The following LAMA2 variants were observed in gnomAD, a reference collection of about 807,000 sequenced individuals.
LAMA2 encodes laminin subunit alpha 2, also known as laminin subunit alpha-2.
In LAMA2, 269 loss-of-function variants were observed where a neutral mutation model predicts 364.8. That is an observed-to-expected ratio of 0.74 (90% confidence interval 0.67 to 0.82). The LOEUF (loss-of-function observed/expected upper bound fraction) is 0.82, where lower values mean the gene tolerates loss of function less well. LAMA2 is among the 40% of genes least tolerant of loss of function. LAMA2 has a pLI of 0.00. For synonymous variants in LAMA2, 1,379 were observed against 1,370.6 expected, an observed-to-expected ratio of 1.01 and a Z score of -0.14; for missense variants, 3,807 against 3,873.2, an observed-to-expected ratio of 0.98 and a Z score of 0.45.
At chr6:129,176,906 AC>A (rs1780629733) in intron 9 of LAMA2, among the ~76,000 whole-genome samples, 1 of 152,094 alleles carries the variant, frequency 6.6e-6, no homozygotes. Context: ...CATTTCTGAC[AC>A]TAATTCTGTC....
At chr6:129,154,795 A>C (rs1229489207) in intron 8 of LAMA2, 112 bp downstream of exon 8, 3 of 851,384 alleles carry the variant, frequency 3.5e-6, no homozygotes, top group African/African-American at 3.4e-5. Context: ...TTGAACTTCA[A>C]ATTAAAAGGT....
intron 12 of LAMA2, among the ~76,000 whole-genome samples, chr6:129,248,073 T>C (rs1278695700): frequency 6.6e-6 from 1 of 152,192 alleles, no homozygotes; most frequent in African/African-American, 2.4e-5. Flanking sequence ...CATCACTGCC[T>C]GAGCTCTACC....
intron 1 of LAMA2, among the ~76,000 whole-genome samples, chr6:128,923,446 T>C (rs1158064630): frequency 6.8e-6 from 1 of 147,064 alleles, no homozygotes. Flanking sequence ...GTTGGATTCC[T>C]AGGTATTTTA....
intron 61 of LAMA2, among the ~76,000 whole-genome samples, chr6:129,505,595 C>A (rs1475640238): frequency 6.6e-6 from 1 of 151,896 alleles, no homozygotes; most frequent in African/African-American, 2.4e-5. Flanking sequence ...TGCAAGCTCT[C>A]CCTCCCGGGT....
chr6:129,190,632 G>A (rs761723375), intron 11 of LAMA2, among the ~76,000 whole-genome samples: 34 of 152,198 alleles, frequency 2.2e-4, no homozygotes, highest in Middle Eastern at 6.8e-3. Flanking sequence ...TCAACTCCAA[G>A]GGTGCATGAT....
chr6:128,929,934 A>T (rs1229303271), intron 1 of LAMA2: 5 of 780,048 alleles, frequency 6.4e-6, no homozygotes, highest in Non-Finnish European at 1.1e-5. Context: ...AGCGCGGCCC[A>T]CAGCCCCACC....
At chr6:129,329,967 A>G (rs532482220) in intron 29 of LAMA2, among the ~76,000 whole-genome samples, 3 of 152,156 alleles carry the variant, frequency 2.0e-5, no homozygotes, top group South Asian at 2.1e-4. Context: ...TTAGATTCTC[A>G]TAGGAGCACA....
intron 12 of LAMA2, among the ~76,000 whole-genome samples, chr6:129,231,123 A>G (rs1372627923): frequency 6.6e-6 from 1 of 152,016 alleles, no homozygotes; most frequent in African/African-American, 2.4e-5. Flanking sequence ...TTAGAATGGA[A>G]TTTTTTTCTA....
At chr6:129,274,862 G>A (rs769225415) in intron 17 of LAMA2, among the ~76,000 whole-genome samples, 19 of 151,902 alleles carry the variant, frequency 1.3e-4, no homozygotes, top group Admixed American at 6.6e-5. Flanking sequence ...AATAAAATAT[G>A]AAAGAGACAT....
Position 129,165,578 on chromosome 6 carries a change from A to T in LAMA2, c.1209A>T (p.Val403=). The change falls in exon 9 of 65, where the codon GTA becomes GTT. Residue 403 remains valine (V), a splice_region_variant and synonymous_variant. Coordinates refer to ENST00000421865, the MANE Select transcript of LAMA2 (RefSeq NM_000426.4). ...CTDGFFRPKG[V]SPNYPRPCQP... is the part of the protein sequence containing the mutation. ...ATTCATTTTAATATTTTTGTTAGGT[A>T]TCTCCAAATTATCCAAGGCCATGCC... The T allele has an allele frequency of 6.2e-7, 1 of 1,601,998 alleles. No homozygotes were observed. Among genetic ancestry groups the T allele is most frequent in the Non-Finnish European group, 8.5e-7 (1 of 1,169,720 alleles).
rs778913439 is a variant in LAMA2, at chr6:129,315,524, C to T, written c.3604C>T (p.Leu1202=). 3 of 1,614,178 alleles carry T rather than the reference C, an allele frequency of 1.9e-6. No homozygotes were observed. The Admixed American group carries it at 5.0e-5, about 27-fold the overall frequency. ...QTILPLVDEA[L]QHTTTKGIVF... ...CATTCTACCCCTGGTAGATGAGGCT[C>T]TGCAGCACACGACCACCAAGGGCAT... Residue 1202 remains leucine (L), a synonymous_variant, in exon 25 of 65, where the codon CTG becomes TTG. Transcript: ENST00000421865.
At chr6:129,307,729 G>A (rs1773967671) in intron 22 of LAMA2, among the ~76,000 whole-genome samples, 1 of 152,218 alleles carries the variant, frequency 6.6e-6, no homozygotes, top group South Asian at 2.1e-4. Context: ...AAACTAAGAA[G>A]AGGCTGTTCA....
chr6:129,198,900 G>A (rs1395156713), intron 12 of LAMA2, among the ~76,000 whole-genome samples: 1 of 152,032 alleles, frequency 6.6e-6, no homozygotes, highest in Non-Finnish European at 1.5e-5. Flanking sequence ...TTAACTCCAA[G>A]CCTATTGATT....
intron 4 of LAMA2, among the ~76,000 whole-genome samples, chr6:129,142,570 T>G (rs916594228): frequency 1.3e-5 from 2 of 152,054 alleles, no homozygotes; most frequent in Non-Finnish European, 2.9e-5. Flanking sequence ...CCATATTCAG[T>G]TCACCTGTAA....
At chr6:129,194,734 A>C (rs1434639074) in intron 12 of LAMA2, among the ~76,000 whole-genome samples, 1 of 152,184 alleles carries the variant, frequency 6.6e-6, no homozygotes, top group Non-Finnish European at 1.5e-5. Context: ...AATTTGCCTT[A>C]ATAACTGAAC....
intron 28 of LAMA2, 131 bp from the exon 29 acceptor site, chr6:129,328,147 G>A (rs910194145): frequency 1.5e-5 from 12 of 804,824 alleles, no homozygotes; most frequent in Admixed American, 3.5e-5. Flanking sequence ...CGGCACTTGC[G>A]TTTGTAAGTG....
intron 47 of LAMA2, 133 bp downstream of exon 47, chr6:129,454,421 T>C: frequency 1.4e-6 from 1 of 694,550 alleles, no homozygotes; most frequent in Non-Finnish European, 2.5e-6. Flanking sequence ...GTATGAATTT[T>C]ATACATGTCT....
At chr6:129,212,216 T>C (rs183644484) in intron 12 of LAMA2, among the ~76,000 whole-genome samples, 1 of 152,248 alleles carries the variant, frequency 6.6e-6, no homozygotes, top group Admixed American at 6.5e-5. Context: ...AGTTGCATTG[T>C]GTGGGTAAAA....
chr6:129,031,528 G>C (rs1231597091), intron 1 of LAMA2, among the ~76,000 whole-genome samples: 1 of 152,170 alleles, frequency 6.6e-6, no homozygotes, highest in African/African-American at 2.4e-5. Flanking sequence ...AAGAAGAAAT[G>C]TTTTGTTTAT....
Sources: allele counts gnomAD v4.1 joint callset (sites outside exome capture counted in the v4.1 genomes callset), GRCh38; gene constraint gnomAD v4.1.1; transcripts MANE v1.5; gene names NCBI Gene and HGNC (gene_info 2026-07-23, HGNC 2026-07-21).